COL3A1: variants seen among roughly 807,000 people sequenced by gnomAD.
COL3A1 encodes the protein collagen type III alpha 1 chain.
Under a neutral mutation model 200.9 loss-of-function variants are expected in COL3A1, and 46 were observed. The observed-to-expected ratio is 0.23, with a 90% CI of 0.18 to 0.29. The LOEUF is 0.29. Ranked by LOEUF, COL3A1 falls within the 10% of genes least tolerant of loss-of-function variation. The pLI is 1.00. For missense variants in COL3A1, 1,367 were observed against 1,917.6 expected (o/e 0.71, Z 5.36); for synonymous variants, 650 against 628.0 (o/e 1.03, Z -0.52).
chr2:188,992,976 T>C (rs766251978), intron 15 of COL3A1, 36 bp downstream of exon 15: 6 of 1,594,660 alleles, frequency 3.8e-6, no homozygotes, highest in African/African-American at 2.7e-5. Context: ...TATAAAAATA[T>C]CTTGGAGGCA....
intron 1 of COL3A1, among the ~76,000 whole-genome samples, chr2:188,976,324 A>G (rs1209279074): frequency 1.3e-5 from 2 of 152,110 alleles, no homozygotes; most frequent in South Asian, 2.1e-4. Context: ...TTGACATCAC[A>G]TTAAGTTCTG....
chr2:189,009,263 A>G (rs1225479804), intron 48 of COL3A1, 42 bp downstream of exon 48: 1 of 1,610,246 alleles, frequency 6.2e-7, no homozygotes, highest in African/African-American at 1.3e-5. Flanking sequence ...ATAGGATTAC[A>G]GAGAAAGCTG....
chr2:188,998,147 C>T (rs1212721963), intron 27 of COL3A1, 119 bp from the exon 28 acceptor site: 2 of 869,610 alleles, frequency 2.3e-6, no homozygotes, highest in South Asian at 1.5e-5. Context: ...AACGTTTCTA[C>T]CCCTACAAGA....
At chr2:189,011,007 G>T (rs1303039923) in intron 50 of COL3A1, 117 bp downstream of exon 50, 1 of 1,365,800 alleles carries the variant, frequency 7.3e-7, no homozygotes, top group Non-Finnish European at 1.0e-6. Flanking sequence ...ATAGCATTTG[G>T]TATGAATTAC....
Position 188,991,716 on chromosome 2 carries a change from G to T in COL3A1, c.945G>T (p.Gly315=). 2 of 1,613,944 alleles carry T rather than the reference G, an allele frequency of 1.2e-6. No homozygotes were observed. The highest frequency in any genetic ancestry group is 8.5e-7 in the Non-Finnish European group (1 of 1,179,934). ...AGCGAGGACGGCCAGGACTTCCTGGGGCTGCAGTGAGTATAGCTGCTAACA... is the reference window on the plus strand; with the variant it reads ...AGCGAGGACGGCCAGGACTTCCTGGTGCTGCAGTGAGTATAGCTGCTAACA... ...PGERGRPGLP[G]AAGARGNDGA... The change falls in exon 13 of 51, where the codon GGG becomes GGT. Residue 315 remains glycine, a synonymous_variant. Transcript: ENST00000304636.
At chr2:188,981,441 T>C (rs1050964821) in intron 1 of COL3A1, among the ~76,000 whole-genome samples, 1 of 151,530 alleles carries the variant, frequency 6.6e-6, no homozygotes, top group Non-Finnish European at 1.5e-5. Context: ...TAAAATTAAT[T>C]ATAAATTGGA....
At chr2:189,004,544 C>T (rs1414117574) in intron 40 of COL3A1, among the ~76,000 whole-genome samples, 180 bp downstream of exon 40, 1 of 152,116 alleles carries the variant, frequency 6.6e-6, no homozygotes, top group African/African-American at 2.4e-5. Flanking sequence ...GAACACAAAA[C>T]AGGGCATATC....
In COL3A1 at chr2:188,997,756, A is replaced by G. The variant is rs1214796107; in HGVS notation, c.1923+3A>G. 2 of 1,613,424 alleles carry G rather than the reference A, an allele frequency of 1.2e-6. No homozygotes were observed. The highest frequency in any genetic ancestry group is 1.7e-6 in the Non-Finnish European group (2 of 1,179,350). On this transcript the variant is annotated splice_donor_region_variant and intron_variant, in intron 27 of 50. Transcript: ENST00000304636. ...CCCCTGGTCCACAAGGATTACAAGT[A>G]AGAACTTGTTATTTAAATGTCACGG...
At chr2:189,002,468 A>G (rs531373583) in intron 35 of COL3A1, 117 bp downstream of exon 35, 1 of 883,048 alleles carries the variant, frequency 1.1e-6, no homozygotes, top group Non-Finnish European at 1.9e-6. Context: ...CTCATTCCCT[A>G]TAGGATTATT....
At chr2:188,996,303 T>TCCACACAC (rs374476004) in intron 23 of COL3A1, 95 bp from the exon 24 acceptor site, 7 of 775,704 alleles carry the variant, frequency 9.0e-6, no homozygotes, top group South Asian at 6.5e-5. Context: ...TATCTATATA[T>TCCACACAC]ATACACACAC....
intron 1 of COL3A1, among the ~76,000 whole-genome samples, chr2:188,980,396 T>TTG (rs1559051148): frequency 4.9e-5 from 1 of 20,606 alleles, no homozygotes; most frequent in African/African-American, 1.4e-4. Flanking sequence ...AAAAGATTAA[T>TTG]CTTTTAGACA....
chr2:188,993,288 A>T, intron 15 of COL3A1, 73 bp from the exon 16 acceptor site: 1 of 1,264,156 alleles, frequency 7.9e-7, no homozygotes, highest in Non-Finnish European at 1.1e-6. Flanking sequence ...GTGTTTAAAC[A>T]GGACTGAAGG....
intron 7 of COL3A1, 23 bp from the exon 8 acceptor site, chr2:188,989,373 A>T (rs1040441323): frequency 2.6e-6 from 4 of 1,556,592 alleles, no homozygotes; most frequent in African/African-American, 2.7e-5. Flanking sequence ...AAATCTATTC[A>T]TTTTTTATTT....
Position 188,992,893 on chromosome 2 carries a change from C to T in COL3A1, c.1003C>T (p.Pro335Ser), listed in dbSNP as rs757785982. Residue 335 changes from proline (P) to serine (S), a missense_variant, in exon 15 of 51, where the codon CCT (proline) becomes TCT (serine). Pro to Ser is a moderately conservative substitution (Grantham distance 74). Transcript: ENST00000304636. ...TTGTATTTAATTTTTTCAGGGCCCT[C>T]CTGGTCCTCCTGGAACTGCCGGATT... is the stretch of plus-strand genomic sequence containing the variant. ...ARGSDGQPGP[P>S]GPPGTAGFPG... 1.2e-6 allele frequency: 2 copies of T among 1,613,980 alleles called. No homozygotes were observed. Among genetic ancestry groups the T allele is most frequent in the South Asian group, 2.2e-5 (2 of 91,078 alleles).
At position 188,994,053 on chromosome 2, in the gene COL3A1, A is replaced by T. The variant is rs200394946; in HGVS notation, c.1165A>T (p.Asn389Tyr). The T allele has an allele frequency of 2.3e-4, 366 of 1,614,098 alleles. No homozygotes were observed. The highest frequency in any genetic ancestry group is 3.1e-4 in the Non-Finnish European group (360 of 1,179,966). Reference sequence around the variant, plus strand: ...GTATACTTAGGGCCCTCCTGGGATTAATGGTAGTCCTGGTGGTAAAGGCGA... The same window carrying T: ...GTATACTTAGGGCCCTCCTGGGATTTATGGTAGTCCTGGTGGTAAAGGCGA... ...AQGPPGPPGI[N>Y]GSPGGKGEMG... The change falls in exon 17 of 51, where the codon AAT becomes TAT. Residue 389 changes from asparagine to tyrosine, a missense_variant. By Grantham distance (143) the Asn-to-Tyr change is moderately radical. Around this residue, in one of 5 missense-constraint regions of COL3A1, gnomAD observed 462 missense variants for 681.4 expected, o/e 0.68. Coordinates refer to ENST00000304636, the MANE Select transcript of COL3A1 (RefSeq NM_000090.4). The surrounding 1 kb of genome is among the most constrained non-coding windows in gnomAD (Gnocchi z 4.5).
At chr2:189,007,823 A>C (rs111361489) in intron 45 of COL3A1, 62 bp from the exon 46 acceptor site, 27 of 1,573,552 alleles carry the variant, frequency 1.7e-5, no homozygotes, top group African/African-American at 1.3e-4. Context: ...CTGATCTTGA[A>C]TGTACAGTTT....
chr2:188,995,475 T>A (rs1364082809), intron 21 of COL3A1, among the ~76,000 whole-genome samples: 1 of 152,238 alleles, frequency 6.6e-6, no homozygotes, highest in East Asian at 1.9e-4. Context: ...CAGTGAATAC[T>A]GTTTTATTAA....
intron 37 of COL3A1, 129 bp from the exon 38 acceptor site, chr2:189,003,605 C>G (rs1688519801): frequency 1.5e-6 from 2 of 1,345,158 alleles, no homozygotes; most frequent in East Asian, 4.7e-5. Context: ...TATGTAAATT[C>G]CAAGGGGAAA....
intron 4 of COL3A1, among the ~76,000 whole-genome samples, chr2:188,986,560 T>A (rs1688069075): frequency 6.6e-6 from 1 of 152,084 alleles, no homozygotes; most frequent in South Asian, 2.1e-4. Flanking sequence ...TTGGTTTATT[T>A]TCTATGGAGA....
Sources: allele counts gnomAD v4.1 joint callset (sites outside exome capture counted in the v4.1 genomes callset), GRCh38; gene constraint gnomAD v4.1.1; regional missense constraint gnomAD v4.1.1; non-coding constraint Gnocchi (gnomAD v3.1); transcripts MANE v1.5; gene names NCBI Gene and HGNC (gene_info 2026-07-23, HGNC 2026-07-21).